MAP3K20: variants seen among roughly 807,000 people sequenced by gnomAD.
MAP3K20 encodes HCCS-4.
A neutral mutation model predicts 85.7 loss-of-function variants in MAP3K20; 40 were observed. The ratio of observed to expected loss-of-function variants is 0.47; its 90% confidence interval spans 0.36 to 0.61. The LOEUF is 0.61. Among genes scored for constraint, MAP3K20 ranks in the 20% least tolerant of loss-of-function variants. The pLI is 0.00. For synonymous variants in MAP3K20, 325 were observed against 327.7 expected (o/e 0.99, Z 0.09); for missense variants, 817 against 961.7 (o/e 0.85, Z 1.99).
At chr2:173,188,931 A>C (rs1017410202) in intron 5 of MAP3K20, among the ~76,000 whole-genome samples, 3 of 152,188 alleles carry the variant, frequency 2.0e-5, no homozygotes, top group African/African-American at 7.2e-5. Context: ...GTATATCTTA[A>C]ATCTTCTACA....
intron 2 of MAP3K20, among the ~76,000 whole-genome samples, chr2:173,097,473 G>C (rs1433945833): frequency 6.6e-6 from 1 of 151,232 alleles, no homozygotes; most frequent in Non-Finnish European, 1.5e-5. Flanking sequence ...TTTTTTTTCT[G>C]TCTGGAAGAG....
intron 2 of MAP3K20, among the ~76,000 whole-genome samples, chr2:173,115,673 T>A (rs1046564199): frequency 1.3e-5 from 2 of 152,116 alleles, no homozygotes; most frequent in Non-Finnish European, 2.9e-5. Context: ...CTGCAGTGAT[T>A]GTTGTCCGTC....
chr2:173,179,704 G>GCGCACACACACACA (rs374335619), intron 3 of MAP3K20, among the ~76,000 whole-genome samples: 73 of 146,172 alleles, frequency 5.0e-4, no homozygotes, highest in Admixed American at 4.9e-3. Flanking sequence ...TAAGGAATGC[G>GCGCACACACACACA]CACACACACA....
chr2:173,134,426 A>ATTTTTTTTTTTTT (rs1457014949), intron 2 of MAP3K20, among the ~76,000 whole-genome samples: 7 of 4,672 alleles, frequency 1.5e-3, no homozygotes, highest in Non-Finnish European at 2.2e-3. Context: ...ATATATATAT[A>ATTTTTTTTTTTTT]TATTTTTTTT....
At chr2:173,089,087 CTGCCTG>C (rs1272987721) in intron 1 of MAP3K20, among the ~76,000 whole-genome samples, 1 of 152,158 alleles carries the variant, frequency 6.6e-6, no homozygotes, top group Non-Finnish European at 1.5e-5. Context: ...GATCTTTGAG[CTGCCTG>C]TGCACTTCAC....
At chr2:173,148,821 T>C (rs1173606765) in intron 2 of MAP3K20, among the ~76,000 whole-genome samples, 2 of 152,272 alleles carry the variant, frequency 1.3e-5, no homozygotes, top group African/African-American at 4.8e-5. Context: ...TGTATAGCTC[T>C]GAGGTGTGAG....
rs1271692797 is a variant in MAP3K20, at chr2:173,209,514, T to A, written c.745-215T>A. On this transcript the variant is annotated intron_variant, in intron 9 of 19. Transcript: ENST00000375213. ...CACACGATAGAAAACAGCATCTGAA[T>A]CTCTCCTTGTGAATAGTTCACCGAA... The A allele has an allele frequency of 7.7e-6, 3 of 390,680 alleles. No individual in the cohort carries two copies. In the East Asian group the frequency reaches 1.2e-4, roughly 16 times the overall value. 24.2% of individuals were successfully genotyped at this position (390,680 alleles called of 1,614,324 possible).
chr2:173,263,993 C>A, intron 19 of MAP3K20, 98 bp downstream of exon 19: 1 of 1,448,928 alleles, frequency 6.9e-7, no homozygotes, highest in South Asian at 1.5e-5. Context: ...CCACCTCAAT[C>A]AGTTAAGATC....
intron 2 of MAP3K20, among the ~76,000 whole-genome samples, chr2:173,136,299 C>G (rs1467191314): frequency 6.6e-6 from 1 of 152,144 alleles, no homozygotes; most frequent in Non-Finnish European, 1.5e-5. Flanking sequence ...ATGTTTCTTT[C>G]CCTCTTTTTG....
At position 173,191,051 on chromosome 2, in the gene MAP3K20, T is replaced by C. The variant is rs1690634256; in HGVS notation, c.456T>C (p.Phe152=). The change falls in exon 7 of 20, where the codon TTT becomes TTC. Residue 152 remains phenylalanine (F), a synonymous_variant. Coordinates refer to ENST00000375213, the MANE Select transcript of MAP3K20 (RefSeq NM_016653.3). ...TCCTGTTTTCTCAGATCTGTGACTTTGGTGCCTCTCGGTTCCATAACCATA... is the reference window on the plus strand; with the variant it reads ...TCCTGTTTTCTCAGATCTGTGACTTCGGTGCCTCTCGGTTCCATAACCATA... The part of the protein sequence containing the change: ...AADGVLKICD[F]GASRFHNHTT... 1 of 1,613,992 alleles carries C rather than the reference T, an allele frequency of 6.2e-7. No individual in the cohort carries two copies. Among genetic ancestry groups the C allele is most frequent in the Non-Finnish European group, 8.5e-7 (1 of 1,179,908 alleles).
At chr2:173,217,383 A>C in intron 11 of MAP3K20, 133 bp downstream of exon 11, 1 of 1,102,680 alleles carries the variant, frequency 9.1e-7, no homozygotes, top group Non-Finnish European at 1.2e-6. Flanking sequence ...CGTGTATTAA[A>C]GGGCCCGCGT....
At chr2:173,079,402 TCACTGTACACTACTGTAGACTTTATAAA>T (rs1223860013) in intron 1 of MAP3K20, among the ~76,000 whole-genome samples, 1 of 152,186 alleles carries the variant, frequency 6.6e-6, no homozygotes, top group Non-Finnish European at 1.5e-5. Context: ...GCCCAGGACA[TCACTGTACACTACTGTAGACTTTATAAA>T]CACTGTACAC....
chr2:173,144,719 G>A (rs11901217), intron 2 of MAP3K20, among the ~76,000 whole-genome samples: 69,751 of 151,622 alleles, frequency 0.46, 17,928 homozygotes, highest in African/African-American at 0.69. Context: ...ACCTAAATAA[G>A]TGGAGAGACA....
chr2:173,102,122 C>T (rs147132055), intron 2 of MAP3K20, among the ~76,000 whole-genome samples: 22 of 152,288 alleles, frequency 1.4e-4, no homozygotes, highest in African/African-American at 4.1e-4. Flanking sequence ...GGACTCTACA[C>T]AGTACCTGGT....
intron 1 of MAP3K20, among the ~76,000 whole-genome samples, chr2:173,086,048 G>A (rs891126249): frequency 2.0e-5 from 3 of 151,794 alleles, no homozygotes; most frequent in African/African-American, 7.3e-5. Flanking sequence ...CACCCATCTC[G>A]GCTTCCCAAA....
At chr2:173,174,194 TATTTA>T (rs1178607622) in intron 3 of MAP3K20, among the ~76,000 whole-genome samples, 5 of 152,228 alleles carry the variant, frequency 3.3e-5, no homozygotes, top group Non-Finnish European at 7.3e-5. Context: ...GAAACTATTT[TATTTA>T]ATCATGTATC....
chr2:173,205,998 A>ATTT (rs1298382209), intron 9 of MAP3K20, among the ~76,000 whole-genome samples: 2 of 152,200 alleles, frequency 1.3e-5, no homozygotes, highest in African/African-American at 4.8e-5. Flanking sequence ...AAATGGTATC[A>ATTT]TACTACCCCT....
At chr2:173,183,016 GGGACT>G (rs1162219260) in intron 4 of MAP3K20, 61 bp downstream of exon 4, 1 of 1,298,658 alleles carries the variant, frequency 7.7e-7, no homozygotes, top group East Asian at 2.4e-5. Flanking sequence ...TCCTGAAATG[GGGACT>G]TAACATCAGA....
intron 10 of MAP3K20, among the ~76,000 whole-genome samples, chr2:173,215,334 TTTTC>T (rs749088365): frequency 9.2e-5 from 14 of 152,190 alleles, no homozygotes; most frequent in African/African-American, 1.9e-4. Flanking sequence ...TGGCTCACTC[TTTTC>T]TTTTTTTGTG....
Sources: gnomAD v4.1 joint callset for allele counts (sites outside exome capture counted in the v4.1 genomes callset) on GRCh38, gnomAD v4.1.1 for gene constraint, MANE v1.5 for transcripts, NCBI Gene and HGNC (gene_info 2026-07-23, HGNC 2026-07-21) for gene names.